The following CFAP263 variants were observed in gnomAD, a reference collection of about 807,000 sequenced individuals.
CFAP263 encodes cilia- and flagella-associated protein 263.
chr16:58,262,351 G>C, the CFAP263 span: 2 of 1,578,036 alleles, frequency 1.3e-6, no homozygotes, highest in Non-Finnish European at 1.7e-6. Context: ...CACAACTGAC[G>C]TATCATCTTT....
chr16:58,256,369 G>C, the CFAP263 span, among the ~76,000 whole-genome samples: 1 of 152,174 alleles, frequency 6.6e-6, no homozygotes, highest in Non-Finnish European at 1.5e-5. Context: ...AATTTGTTGA[G>C]GAGGTAGGGC....
At chr16:58,257,553 C>T in the CFAP263 span, among the ~76,000 whole-genome samples, 2 of 152,058 alleles carry the variant, frequency 1.3e-5, no homozygotes, top group African/African-American at 4.8e-5. Context: ...CTTGCCTCAG[C>T]CTCCTGAGCA....
At chr16:58,263,804 G>A in the CFAP263 span, among the ~76,000 whole-genome samples, 1 of 152,100 alleles carries the variant, frequency 6.6e-6, no homozygotes, top group Non-Finnish European at 1.5e-5. Context: ...ATGGCAAAAC[G>A]CTGTCTCTAC....
the CFAP263 span, chr16:58,280,507 G>A: frequency 3.1e-6 from 5 of 1,614,200 alleles, no homozygotes; most frequent in African/African-American, 4.0e-5. Flanking sequence ...TTCAGAATCA[G>A]AATATGTCTT....
chr16:58,269,226 G>A, the CFAP263 span, among the ~76,000 whole-genome samples: 4 of 152,296 alleles, frequency 2.6e-5, no homozygotes, highest in African/African-American at 9.6e-5. Context: ...ATCTACTCGG[G>A]AGGCTGAGGG....
At chr16:58,253,176 G>A in the CFAP263 span, among the ~76,000 whole-genome samples, 2 of 152,104 alleles carry the variant, frequency 1.3e-5, no homozygotes, top group Non-Finnish European at 2.9e-5. Context: ...CCAGGAGTTC[G>A]AGACCTTCCT....
the CFAP263 span, among the ~76,000 whole-genome samples, chr16:58,268,218 C>A: frequency 2.0e-5 from 3 of 152,208 alleles, no homozygotes; most frequent in Admixed American, 1.3e-4. Flanking sequence ...TGAATGGAGT[C>A]ATCTGAGCTC....
At chr16:58,283,374 A>T in the CFAP263 span, 3 of 152,254 alleles carry the variant, frequency 2.0e-5, no homozygotes, top group African/African-American at 7.2e-5. Flanking sequence ...CACAGTTAAA[A>T]ACCAACCTGA....
the CFAP263 span, among the ~76,000 whole-genome samples, chr16:58,270,670 A>G: frequency 6.6e-6 from 1 of 152,142 alleles, no homozygotes; most frequent in Non-Finnish European, 1.5e-5. Flanking sequence ...GGTGTCATAT[A>G]TAAGAAACCA....
the CFAP263 span, among the ~76,000 whole-genome samples, chr16:58,253,401 A>AT: frequency 2.6e-5 from 4 of 151,992 alleles, no homozygotes. Context: ...AAAAAAAAAA[A>AT]GAATTCATTT....
chr16:58,256,400 T>C, the CFAP263 span, among the ~76,000 whole-genome samples: 1 of 152,072 alleles, frequency 6.6e-6, no homozygotes, highest in African/African-American at 2.4e-5. Flanking sequence ...CTTGGCATGA[T>C]CTTGAAGAAT....
the CFAP263 span, chr16:58,254,234 G>T: frequency 6.7e-7 from 1 of 1,491,840 alleles, no homozygotes; most frequent in East Asian, 2.3e-5. Context: ...ATCTAGAGTG[G>T]GTTCATGTGA....
chr16:58,255,016 G>C, the CFAP263 span, among the ~76,000 whole-genome samples: 1 of 152,164 alleles, frequency 6.6e-6, no homozygotes, highest in Non-Finnish European at 1.5e-5. Context: ...GAGTTAATTA[G>C]GGAGAATTGG....
the CFAP263 span, among the ~76,000 whole-genome samples, chr16:58,277,971 A>G: frequency 5.3e-5 from 8 of 152,204 alleles, no homozygotes; most frequent in Non-Finnish European, 8.8e-5. Context: ...TTTCTGTTTT[A>G]CAAGACAAAA....
the CFAP263 span, chr16:58,258,343 TCTCTCTTTGTG>T: frequency 6.2e-7 from 1 of 1,608,436 alleles, no homozygotes; most frequent in South Asian, 1.1e-5. Context: ...GAAACGTTCT[TCTCTCTTTGTG>T]CTGACTCCCC....
chr16:58,282,393 C>G, the CFAP263 span: 1 of 152,284 alleles, frequency 6.6e-6, no homozygotes, highest in African/African-American at 2.4e-5. Context: ...CCGCCTCGCC[C>G]TCTCAAAGTG....
chr16:58,274,614 C>G, the CFAP263 span, among the ~76,000 whole-genome samples: 1 of 152,322 alleles, frequency 6.6e-6, no homozygotes, highest in East Asian at 1.9e-4. Context: ...TGCATGTGCT[C>G]TCACTCCTGC....
the CFAP263 span, among the ~76,000 whole-genome samples, chr16:58,269,857 A>C: frequency 4.9e-3 from 744 of 152,206 alleles, 4 homozygotes; most frequent in Non-Finnish European, 5.9e-3. Flanking sequence ...TTGGACATAC[A>C]CCTAAAAGTG....
At chr16:58,254,805 C>T in the CFAP263 span, among the ~76,000 whole-genome samples, 26 of 152,010 alleles carry the variant, frequency 1.7e-4, no homozygotes, top group Admixed American at 1.6e-3. Flanking sequence ...ACGAGGTTTT[C>T]ACCGTATTAG....
Sources: gnomAD v4.1 joint callset for allele counts (sites outside exome capture counted in the v4.1 genomes callset) on GRCh38, gnomAD v4.1.1 for gene constraint, MANE v1.5 for transcripts, NCBI Gene and HGNC (gene_info 2026-07-23, HGNC 2026-07-21) for gene names.